DPP6: variants seen among roughly 807,000 people sequenced by gnomAD.
DPP6 encodes the protein A-type potassium channel modulatory protein DPP6.
In DPP6, 69 loss-of-function variants were observed where a neutral mutation model predicts 122.6. That is an observed-to-expected ratio of 0.56 (90% CI 0.46 to 0.69). The LOEUF (loss-of-function observed/expected upper bound fraction) is 0.69, where lower values mean the gene tolerates loss of function less well. DPP6 is among the 30% of genes least tolerant of loss of function. The pLI is 0.00. For missense variants in DPP6, 928 were observed against 1,116.9 expected, an observed-to-expected ratio of 0.83 and a Z score of 2.41; for synonymous variants, 418 against 433.1, an observed-to-expected ratio of 0.97 and a Z score of 0.43.
chr7:153,918,084 G>A (rs1050066643), intron 1 of DPP6, among the ~76,000 whole-genome samples: 4 of 152,144 alleles, frequency 2.6e-5, no homozygotes, highest in African/African-American at 9.7e-5. Flanking sequence ...CACACCTCGT[G>A]AGCTGAACTG....
intron 4 of DPP6, among the ~76,000 whole-genome samples, chr7:154,565,432 C>G (rs1830681681): frequency 1.3e-5 from 2 of 152,212 alleles, no homozygotes; most frequent in African/African-American, 4.8e-5. Flanking sequence ...TTAAAGATCA[C>G]TACTCAATCA....
chr7:153,909,435 T>TAA (rs11432396), intron 1 of DPP6, among the ~76,000 whole-genome samples: 2 of 143,554 alleles, frequency 1.4e-5, no homozygotes, highest in African/African-American at 2.4e-5. Context: ...TTATCTATCT[T>TAA]AAAAAAAACT....
intron 3 of DPP6, among the ~76,000 whole-genome samples, chr7:154,499,652 G>A (rs987424914): frequency 6.8e-6 from 1 of 146,384 alleles, no homozygotes; most frequent in Non-Finnish European, 1.5e-5. Flanking sequence ...TTAAAATTAG[G>A]GAATAATAAA....
chr7:153,825,054 C>T, the DPP6 span, among the ~76,000 whole-genome samples: 6 of 152,160 alleles, frequency 3.9e-5, no homozygotes, highest in African/African-American at 1.2e-4. Flanking sequence ...TGAGTAGCTT[C>T]GTTAGGCTTT....
chr7:154,722,002 CAAAA>C (rs34504657), intron 7 of DPP6, among the ~76,000 whole-genome samples: 3 of 128,630 alleles, frequency 2.3e-5, no homozygotes, highest in Admixed American at 7.9e-5. Context: ...CCATCTCTAC[CAAAA>C]AAAAAAAAAA....
At position 154,796,015 on chromosome 7, in the gene DPP6, C is replaced by T. The variant is rs1199997557; in HGVS notation, c.1299+132C>T. The T allele has an allele frequency of 1.9e-5, 26 of 1,374,758 alleles. 1 individual carries two copies. The highest frequency in any genetic ancestry group is 1.0e-4 in the East Asian group (4 of 38,796). The allele number at this position is 1,374,758 out of a possible 1,614,324, so 85.2% of individuals were successfully genotyped here. On this transcript the variant is annotated intron_variant, in intron 12 of 25. Coordinates refer to ENST00000377770, the MANE Select transcript of DPP6 (RefSeq NM_130797.4). ...ACAGGGCTCCCCAGGCAGAAACAGA[C>T]GGCGTGCCGGCTCCACTCACGGTGC...
chr7:153,964,501 A>G (rs1181856050), intron 1 of DPP6, among the ~76,000 whole-genome samples: 3 of 152,122 alleles, frequency 2.0e-5, no homozygotes, highest in Admixed American at 2.0e-4. Context: ...TGTTCCTGGG[A>G]TGCCAGTGTT....
intron 3 of DPP6, among the ~76,000 whole-genome samples, chr7:154,482,088 T>C (rs1387980258): frequency 6.6e-6 from 1 of 152,180 alleles, no homozygotes; most frequent in Non-Finnish European, 1.5e-5. Flanking sequence ...GATCATGTGA[T>C]TTGGGGGCAG....
rs368650351 is a variant in DPP6 at position 154,466,012 on chromosome 7, A to T, written c.359-8927A>T. On this transcript the variant is annotated intron_variant, in intron 2 of 25. Transcript: ENST00000377770. The stretch of plus-strand genomic sequence containing the variant: ...AAAATGTGGCACATATATACCATGG[A>T]ATACTATGCAGTCATAAAAAAAATG... 2.1e-4 allele frequency among the ~76,000 whole-genome samples: 32 copies of T among 152,336 alleles called. No individual in the cohort carries two copies. The South Asian group carries it at 6.2e-3, about 30-fold the overall frequency.
intron 1 of DPP6, among the ~76,000 whole-genome samples, chr7:154,112,442 C>T (rs1034224768): frequency 6.6e-5 from 10 of 151,882 alleles, no homozygotes; most frequent in African/African-American, 9.7e-5. Context: ...GCCAGAAGTT[C>T]GAGACCAGCC....
chr7:154,240,457 T>C (rs536682109), intron 1 of DPP6, among the ~76,000 whole-genome samples: 161 of 152,310 alleles, frequency 1.1e-3, no homozygotes, highest in African/African-American at 3.6e-3. Context: ...ATAATAAGAA[T>C]AGGAATAGAA....
chr7:154,008,828 A>ATTT (rs1298676342), intron 1 of DPP6, among the ~76,000 whole-genome samples: 3 of 147,204 alleles, frequency 2.0e-5, no homozygotes, highest in African/African-American at 7.5e-5. Flanking sequence ...CGCCCGGCTA[A>ATTT]TTTTTTTTTT....
chr7:153,953,295 T>C (rs1802306985), intron 1 of DPP6, among the ~76,000 whole-genome samples: 1 of 152,178 alleles, frequency 6.6e-6, no homozygotes, highest in South Asian at 2.1e-4. Context: ...CTGCCATTTA[T>C]AGATAAGGAA....
chr7:154,664,462 T>C (rs963559178), intron 6 of DPP6, among the ~76,000 whole-genome samples: 1 of 152,222 alleles, frequency 6.6e-6, no homozygotes, highest in African/African-American at 2.4e-5. Flanking sequence ...TAAGTCTTTC[T>C]GATGTCCCAC....
At chr7:153,938,012 T>G (rs1359416276) in intron 1 of DPP6, among the ~76,000 whole-genome samples, 6 of 152,196 alleles carry the variant, frequency 3.9e-5, no homozygotes, top group Non-Finnish European at 8.8e-5. Context: ...TAGTTCTCTC[T>G]TAGTAAGGAG....
chr7:154,320,231 A>G (rs1016184586), intron 1 of DPP6, among the ~76,000 whole-genome samples: 13 of 152,066 alleles, frequency 8.5e-5, no homozygotes, highest in African/African-American at 2.9e-4. Flanking sequence ...TTGGAATGGC[A>G]TGTGTGCTTT....
chr7:154,583,809 G>A (rs183285930), intron 5 of DPP6, among the ~76,000 whole-genome samples: 57 of 152,236 alleles, frequency 3.7e-4, no homozygotes, highest in African/African-American at 1.0e-3. Flanking sequence ...TCCGGGGAAC[G>A]TAGAGGGCCC....
intron 1 of DPP6, among the ~76,000 whole-genome samples, chr7:153,935,965 A>G (rs1021053674): frequency 6.6e-6 from 1 of 152,198 alleles, no homozygotes; most frequent in African/African-American, 2.4e-5. Flanking sequence ...CATGCATGTG[A>G]TGATCTAATC....
intron 1 of DPP6, among the ~76,000 whole-genome samples, chr7:154,034,411 T>A (rs1799414904): frequency 6.6e-6 from 1 of 152,140 alleles, no homozygotes; most frequent in African/African-American, 2.4e-5. Context: ...TCGCTGTGGA[T>A]CCTTCCCATG....
Sources: allele counts gnomAD v4.1 joint callset (sites outside exome capture counted in the v4.1 genomes callset), GRCh38; gene constraint gnomAD v4.1.1; transcripts MANE v1.5; gene names NCBI Gene and HGNC (gene_info 2026-07-23, HGNC 2026-07-21).